The following TLK2 variants were observed in gnomAD, a reference collection of about 807,000 sequenced individuals.
The protein encoded by TLK2 is tousled like kinase 2.
Under a neutral mutation model 117.3 loss-of-function variants are expected in TLK2, and 6 were observed. The ratio of observed to expected loss-of-function variants is 0.05; its 90% CI spans 0.03 to 0.10. The LOEUF (loss-of-function observed/expected upper bound fraction) is 0.10. TLK2 is among the 10% of genes least tolerant of loss of function. The pLI, the probability that TLK2 is intolerant of heterozygous loss-of-function variation, is 1.00. For missense variants in TLK2, 299 were observed against 901.2 expected (o/e 0.33, Z 8.56); for synonymous variants, 257 against 316.7 (o/e 0.81, Z 2.00).
At chr17:62,509,789 A>G (rs907362971) in intron 2 of TLK2, among the ~76,000 whole-genome samples, 2 of 152,164 alleles carry the variant, frequency 1.3e-5, no homozygotes, top group Non-Finnish European at 2.9e-5. Flanking sequence ...ATGTGAGGAC[A>G]GTGTCCGTCC....
chr17:62,539,771 G>A (rs193266757), intron 7 of TLK2, among the ~76,000 whole-genome samples: 58 of 152,126 alleles, frequency 3.8e-4, no homozygotes, highest in Admixed American at 3.7e-3. Flanking sequence ...CCAAAGTTCT[G>A]GGATTACAGA....
intron 6 of TLK2, among the ~76,000 whole-genome samples, chr17:62,525,451 A>ATT (rs397756034): frequency 1.2e-4 from 17 of 139,366 alleles, no homozygotes; most frequent in Admixed American, 4.3e-4. Flanking sequence ...TATATATGTA[A>ATT]TTTTTTTTTT....
chr17:62,575,918 A>C (rs2080753051), intron 12 of TLK2, among the ~76,000 whole-genome samples: 1 of 152,032 alleles, frequency 6.6e-6, no homozygotes. Flanking sequence ...GGCTGGTCTC[A>C]AACTCCTGGC....
chr17:62,529,209 CT>C (rs2076578005), intron 6 of TLK2, among the ~76,000 whole-genome samples: 1 of 152,044 alleles, frequency 6.6e-6, no homozygotes, highest in African/African-American at 2.4e-5. Context: ...CTCTCTTCAT[CT>C]CTTTAAAGCT....
intron 16 of TLK2, among the ~76,000 whole-genome samples, chr17:62,589,026 T>C (rs545318515): frequency 6.6e-6 from 1 of 152,340 alleles, no homozygotes; most frequent in Admixed American, 6.5e-5. Flanking sequence ...AGACATTTAT[T>C]CTGGTAAAAA....
intron 6 of TLK2, among the ~76,000 whole-genome samples, chr17:62,529,421 T>C (rs1274424778): frequency 5.3e-5 from 8 of 152,020 alleles, no homozygotes; most frequent in African/African-American, 1.7e-4. Flanking sequence ...GTATTTTTAG[T>C]TGGGTTTTCT....
chr17:62,556,317 A>G (rs2078862030), intron 9 of TLK2, among the ~76,000 whole-genome samples: 2 of 152,198 alleles, frequency 1.3e-5, no homozygotes, highest in South Asian at 2.1e-4. Context: ...ATTTGTAGTC[A>G]TTGTTAGACT....
At chr17:62,581,664 C>CAAGA (rs750560026) in intron 15 of TLK2, among the ~76,000 whole-genome samples, 8 of 151,898 alleles carry the variant, frequency 5.3e-5, no homozygotes, top group Non-Finnish European at 1.2e-4. Context: ...TGGTCTTGAA[C>CAAGA]TCTTGGGCTC....
chr17:62,481,902 C>T lies in TLK2; in HGVS notation c.81+696C>T, dbSNP rs147774835. Among the ~76,000 whole-genome samples the T allele has an allele frequency of 5.4e-4, 82 of 152,076 alleles. No homozygotes were observed. In the East Asian group the frequency reaches 0.014, roughly 26 times the overall value. On this transcript the variant is annotated intron_variant, in intron 2 of 21. Coordinates refer to ENST00000346027, the MANE Select transcript of TLK2 (RefSeq NM_006852.6). ...ATTTTATTTAAAAGCTTTATTGGTC[C>T]AAGATCATATTACTTGGGCTTGAGA...
At chr17:62,509,627 G>A (rs1213090679) in intron 2 of TLK2, among the ~76,000 whole-genome samples, 2 of 152,238 alleles carry the variant, frequency 1.3e-5, no homozygotes, top group Non-Finnish European at 2.9e-5. Flanking sequence ...TCTAGAGTCA[G>A]TGCTGTGGTT....
rs144370749 is a variant in TLK2, at chr17:62,489,534, G to A, written c.81+8328G>A. On this transcript the variant is annotated intron_variant, in intron 2 of 21. Coordinates refer to ENST00000346027, the MANE Select transcript of TLK2 (RefSeq NM_006852.6). Reference sequence around the variant, plus strand: ...TGTATGTTTTCTAGAGCTCTTTTAGGTTTATAGAAAATTGAGCAGCTAATG... The same window carrying A: ...TGTATGTTTTCTAGAGCTCTTTTAGATTTATAGAAAATTGAGCAGCTAATG... 9.9e-5 allele frequency among the ~76,000 whole-genome samples: 15 copies of A among 152,106 alleles called. 1 individual carries two copies. In the East Asian group the frequency reaches 2.9e-3, roughly 29 times the overall value.
chr17:62,518,978 G>C (rs951921650), intron 2 of TLK2, among the ~76,000 whole-genome samples: 1 of 152,098 alleles, frequency 6.6e-6, no homozygotes, highest in Non-Finnish European at 1.5e-5. Context: ...TCTACTTCTC[G>C]GGCTCAAGCG....
intron 6 of TLK2, among the ~76,000 whole-genome samples, chr17:62,527,159 C>T (rs950441105): frequency 6.6e-6 from 1 of 152,194 alleles, no homozygotes; most frequent in African/African-American, 2.4e-5. Flanking sequence ...TACCAGCAAT[C>T]TCTTCATCAG....
intron 2 of TLK2, among the ~76,000 whole-genome samples, chr17:62,498,635 C>T (rs1350771803): frequency 6.6e-6 from 1 of 152,180 alleles, no homozygotes; most frequent in Non-Finnish European, 1.5e-5. Flanking sequence ...AGGTTATCCA[C>T]CTGCCTTGGC....
intron 16 of TLK2, among the ~76,000 whole-genome samples, chr17:62,593,791 A>G (rs1006795448): frequency 7.4e-6 from 1 of 134,766 alleles, no homozygotes; most frequent in Non-Finnish European, 1.6e-5. Flanking sequence ...TACACTCTAA[A>G]TTTTTTTTTT....
At chr17:62,545,988 TCTC>T (rs1387086083) in intron 7 of TLK2, among the ~76,000 whole-genome samples, 3 of 152,132 alleles carry the variant, frequency 2.0e-5, no homozygotes, top group Non-Finnish European at 4.4e-5. Context: ...TTCAAGCAAT[TCTC>T]CTGCCTCAGC....
chr17:62,489,428 C>T (rs1457510395), intron 2 of TLK2, among the ~76,000 whole-genome samples: 2 of 151,956 alleles, frequency 1.3e-5, no homozygotes, highest in African/African-American at 2.4e-5. Flanking sequence ...AGGCTGATCT[C>T]GAACTCCTAA....
intron 2 of TLK2, chr17:62,516,176 C>T (rs2075565790): frequency 9.0e-6 from 5 of 557,504 alleles, no homozygotes; most frequent in East Asian, 3.6e-5. Context: ...CCGCTCACCT[C>T]GGCCTCCCAA....
chr17:62,524,131 G>T, intron 5 of TLK2, 105 bp from the exon 6 acceptor site: 1 of 699,870 alleles, frequency 1.4e-6, no homozygotes, highest in South Asian at 2.9e-5. Flanking sequence ...TTAACTTAAA[G>T]GGGCCATATA....
Sources: allele counts gnomAD v4.1 joint callset (sites outside exome capture counted in the v4.1 genomes callset), GRCh38; gene constraint gnomAD v4.1.1; transcripts MANE v1.5; gene names NCBI Gene and HGNC (gene_info 2026-07-23, HGNC 2026-07-21).